The following GPC6 variants were observed in gnomAD, a reference collection of about 807,000 sequenced individuals.
GPC6 encodes the protein glypican 6.
Under a neutral mutation model 55.2 loss-of-function variants are expected in GPC6, and 14 were observed. That is an observed-to-expected ratio of 0.25 (90% confidence interval 0.17 to 0.40). The LOEUF (loss-of-function observed/expected upper bound fraction) is 0.40. Among genes scored for constraint, GPC6 ranks in the 10% least tolerant of loss-of-function variants. GPC6 has a pLI of 1.00. For synonymous variants in GPC6, 278 were observed against 259.6 expected (o/e 1.07, Z -0.68); for missense variants, 641 against 708.5 (o/e 0.90, Z 1.08).
chr13:93,546,401 C>G (rs1459638479), intron 2 of GPC6, among the ~76,000 whole-genome samples: 1 of 152,136 alleles, frequency 6.6e-6, no homozygotes, highest in Non-Finnish European at 1.5e-5. Context: ...CTGTTTTAAA[C>G]TATTACAGCA....
chr13:93,272,000 G>C (rs972183387), intron 1 of GPC6, among the ~76,000 whole-genome samples: 23 of 151,982 alleles, frequency 1.5e-4, no homozygotes, highest in Non-Finnish European at 3.1e-4. Context: ...ATAGATTCTG[G>C]AGTCAAGTTT....
At chr13:93,738,748 AG>A (rs1401273064) in intron 2 of GPC6, among the ~76,000 whole-genome samples, 8 of 152,170 alleles carry the variant, frequency 5.3e-5, no homozygotes, top group African/African-American at 1.9e-4. Flanking sequence ...TTTGAAAGAA[AG>A]AAAAACAAAT....
At chr13:93,713,005 A>G (rs1883125625) in intron 2 of GPC6, among the ~76,000 whole-genome samples, 1 of 151,594 alleles carries the variant, frequency 6.6e-6, no homozygotes, top group Non-Finnish European at 1.5e-5. Flanking sequence ...ATTCACTTCA[A>G]AAGAATTGGC....
chr13:94,034,758 T>C (rs1266774417), intron 4 of GPC6, among the ~76,000 whole-genome samples: 1 of 152,072 alleles, frequency 6.6e-6, no homozygotes, highest in East Asian at 1.9e-4. Flanking sequence ...CTGTAAATGA[T>C]ACTGTGTAAT....
chr13:93,688,384 A>G (rs1332749010), intron 2 of GPC6, among the ~76,000 whole-genome samples: 1 of 152,088 alleles, frequency 6.6e-6, no homozygotes, highest in African/African-American at 2.4e-5. Context: ...TAAAAAGTTA[A>G]ACATATAATT....
At chr13:93,492,952 A>G (rs929177384) in intron 1 of GPC6, among the ~76,000 whole-genome samples, 2 of 122,070 alleles carry the variant, frequency 1.6e-5, no homozygotes, top group Admixed American at 8.7e-5. Context: ...TTTTGCATCA[A>G]TGTTCATCAA....
chr13:94,020,086 C>A (rs931180330), intron 3 of GPC6, among the ~76,000 whole-genome samples: 14 of 151,360 alleles, frequency 9.2e-5, no homozygotes, highest in African/African-American at 3.4e-4. Context: ...TCCTTTTTTT[C>A]TAGTTCCTTA....
chr13:94,185,273 AAAG>A (rs1456931119), intron 4 of GPC6, among the ~76,000 whole-genome samples: 4 of 151,716 alleles, frequency 2.6e-5, no homozygotes, highest in African/African-American at 7.3e-5. Context: ...AAAAAAAAAA[AAAG>A]AAGCCATTGG....
intron 1 of GPC6, among the ~76,000 whole-genome samples, chr13:93,322,652 C>A (rs1181748099): frequency 6.6e-6 from 1 of 151,778 alleles, no homozygotes; most frequent in East Asian, 1.9e-4. Context: ...GTTGGCCAGG[C>A]TGGTGTCGAA....
chr13:93,442,747 A>G (rs1348279401), intron 1 of GPC6, among the ~76,000 whole-genome samples: 1 of 152,092 alleles, frequency 6.6e-6, no homozygotes, highest in Non-Finnish European at 1.5e-5. Flanking sequence ...TTGATTTAAC[A>G]AAATTTGAGC....
intron 4 of GPC6, chr13:94,187,165 C>G (rs540321305): frequency 4.7e-4 from 71 of 152,232 alleles, no homozygotes; most frequent in African/African-American, 1.7e-3. Flanking sequence ...ATTCTTGGTG[C>G]CTTGGGCAAC....
chr13:93,855,793 C>T (rs916209979), intron 3 of GPC6, among the ~76,000 whole-genome samples: 1 of 151,520 alleles, frequency 6.6e-6, no homozygotes, highest in Non-Finnish European at 1.5e-5. Context: ...TTTTCGTATG[C>T]TTATTTGCCA....
chr13:93,757,171 C>T (rs983003123), intron 2 of GPC6, among the ~76,000 whole-genome samples: 2 of 152,164 alleles, frequency 1.3e-5, no homozygotes, highest in African/African-American at 4.8e-5. Context: ...TGTTTTGTTC[C>T]TAAGTCTCCC....
At chr13:93,629,250 T>C (rs1312042409) in intron 2 of GPC6, among the ~76,000 whole-genome samples, 3 of 152,172 alleles carry the variant, frequency 2.0e-5, no homozygotes, top group Admixed American at 1.3e-4. Context: ...TATTGCTTGC[T>C]ATACTTGGAC....
At chr13:93,988,329 C>G (rs1456688347) in intron 3 of GPC6, among the ~76,000 whole-genome samples, 2 of 152,144 alleles carry the variant, frequency 1.3e-5, no homozygotes, top group Non-Finnish European at 2.9e-5. Context: ...CTGTTGCTAT[C>G]CCCAGACCCT....
At chr13:93,817,874 A>C (rs1886910261) in intron 2 of GPC6, among the ~76,000 whole-genome samples, 1 of 19,980 alleles carries the variant, frequency 5.0e-5, no homozygotes, top group African/African-American at 4.8e-4. Flanking sequence ...TAATGTATAG[A>C]TAGATAGATA....
chr13:93,784,141 G>C (rs1188593018), intron 2 of GPC6, among the ~76,000 whole-genome samples: 1 of 152,084 alleles, frequency 6.6e-6, no homozygotes, highest in Non-Finnish European at 1.5e-5. Flanking sequence ...AAATCAAGAA[G>C]AGATAATCAG....
intron 2 of GPC6, among the ~76,000 whole-genome samples, chr13:93,589,988 C>T (rs148680341): frequency 9.0e-4 from 137 of 152,310 alleles, no homozygotes; most frequent in African/African-American, 3.2e-3. Context: ...CAGAAGCCTG[C>T]TGGTAACTGC....
At chr13:93,485,037 A>G (rs112564803) in intron 1 of GPC6, among the ~76,000 whole-genome samples, 22 of 152,334 alleles carry the variant, frequency 1.4e-4, no homozygotes, top group Non-Finnish European at 2.6e-4. Context: ...GCAAAGAGGT[A>G]TTTACAGCTT....
Sources: allele counts gnomAD v4.1 joint callset (sites outside exome capture counted in the v4.1 genomes callset), GRCh38; gene constraint gnomAD v4.1.1; transcripts MANE v1.5; gene names NCBI Gene and HGNC (gene_info 2026-07-23, HGNC 2026-07-21).